Variants in SMURF1 observed in about 807,000 individuals in gnomAD.
The protein encoded by SMURF1 is E3 ubiquitin-protein ligase SMURF1.
Under a neutral mutation model 98.0 loss-of-function variants are expected in SMURF1, and 44 were observed. The ratio of observed to expected loss-of-function variants is 0.45; its 90% CI spans 0.35 to 0.58. The LOEUF (loss-of-function observed/expected upper bound fraction) is 0.58. Ranked by LOEUF, SMURF1 falls within the 20% of genes least tolerant of loss-of-function variation. The pLI is 0.00. For missense variants in SMURF1, 687 were observed against 938.4 expected, an observed-to-expected ratio of 0.73 and a Z score of 3.50; for synonymous variants, 396 against 374.9, an observed-to-expected ratio of 1.06 and a Z score of -0.65.
chr7:99,125,085 ATTCATTCATTCG>A (rs1563040472), intron 1 of SMURF1, among the ~76,000 whole-genome samples: 1 of 136,876 alleles, frequency 7.3e-6, no homozygotes, highest in Non-Finnish European at 1.6e-5. Context: ...TCATTCATTC[ATTCATTCATTCG>A]AGACAGGGTC....
chr7:99,108,669 G>A (rs964101553), intron 1 of SMURF1, among the ~76,000 whole-genome samples: 3 of 149,132 alleles, frequency 2.0e-5, no homozygotes, highest in African/African-American at 7.4e-5. Context: ...AAGGACACAG[G>A]AGCATTGCCC....
intron 13 of SMURF1, among the ~76,000 whole-genome samples, chr7:99,038,934 C>T (rs2150505108): frequency 6.6e-6 from 1 of 152,242 alleles, no homozygotes; most frequent in Admixed American, 6.5e-5. Context: ...CGGCTTACAC[C>T]TGTAATCCCA....
intron 1 of SMURF1, among the ~76,000 whole-genome samples, chr7:99,095,709 A>G (rs1323571214): frequency 6.6e-6 from 1 of 152,246 alleles, no homozygotes; most frequent in Non-Finnish European, 1.5e-5. Flanking sequence ...ACCTAAAAGA[A>G]TATGTTTTCT....
At chr7:99,092,807 C>G (rs1433395385) in intron 1 of SMURF1, among the ~76,000 whole-genome samples, 1 of 152,152 alleles carries the variant, frequency 6.6e-6, no homozygotes, top group Non-Finnish European at 1.5e-5. Flanking sequence ...CAGAAGCACA[C>G]ATAAAACAAG....
rs555134801 is a variant in SMURF1, at chr7:99,034,688, G to A, written c.2011+827C>T. On this transcript the variant is annotated intron_variant, in intron 16 of 17. Coordinates refer to ENST00000361368, the MANE Select transcript of SMURF1 (RefSeq NM_181349.3). Reference sequence around the variant, plus strand: ...CAGCTGTCATGGTCAGGCAGACAGAGGCTCCCAGATACGAGCGGGGCTCAG... The same window carrying A: ...CAGCTGTCATGGTCAGGCAGACAGAAGCTCCCAGATACGAGCGGGGCTCAG... Among the ~76,000 whole-genome samples, 11 of 152,258 alleles carry A rather than the reference G, an allele frequency of 7.2e-5. No individual in the cohort carries two copies. In the South Asian group the frequency reaches 2.1e-3, roughly 29 times the overall value.
At chr7:99,123,869 C>G (rs775911586) in intron 1 of SMURF1, among the ~76,000 whole-genome samples, 1 of 152,210 alleles carries the variant, frequency 6.6e-6, no homozygotes, top group African/African-American at 2.4e-5. Context: ...TTGCAAAATA[C>G]TCTCAGTGCA....
chr7:99,045,574 G>A lies in SMURF1; in HGVS notation c.1256+124C>T, dbSNP rs76250253. ...GAAGCCAGTGCATGATGGCCCGACT[G>A]CTCCAAGGAGACATCAGCCCTGCCC... On this transcript the variant is annotated intron_variant, in intron 11 of 17. Coordinates refer to ENST00000361368, the MANE Select transcript of SMURF1 (RefSeq NM_181349.3). 9.1e-5 allele frequency: 68 copies of A among 745,926 alleles called. 1 individual carries two copies. In the East Asian group the frequency reaches 1.8e-3, roughly 20 times the overall value. The allele number at this position is 745,926 out of a possible 1,614,324, so 46.2% of individuals were successfully genotyped here.
chr7:99,142,923 A>G (rs1798163095), intron 1 of SMURF1, among the ~76,000 whole-genome samples: 1 of 129,644 alleles, frequency 7.7e-6, no homozygotes, highest in Admixed American at 7.8e-5. Flanking sequence ...GGAAGCGAGG[A>G]GAAGGAGGGA....
At chr7:99,058,006 G>A (rs1479422312) in intron 3 of SMURF1, among the ~76,000 whole-genome samples, 2 of 152,104 alleles carry the variant, frequency 1.3e-5, no homozygotes, top group Admixed American at 1.3e-4. Context: ...TAATAAATAC[G>A]TATCCATTAA....
rs1403587322 is a variant in SMURF1, at chr7:99,045,783, T to G, written c.1171A>C (p.Met391Leu). Residue 391 changes from methionine (M) to leucine (L), a missense_variant, in exon 11 of 18, where the codon ATG (methionine) becomes CTG (leucine). By Grantham distance (15) the Met-to-Leu change is conservative. This residue lies in a region of SMURF1 where 415 missense variants were observed against 508.4 expected (regional missense o/e 0.82). Coordinates refer to ENST00000361368, the MANE Select transcript of SMURF1 (RefSeq NM_181349.3). ...TTCAAGTCTTTCGGTCGCATCTTCA[T>G]TATCTGGCGGTAAGACTCCTGAAGA... The part of the protein sequence containing the change: ...EIFEESYRQI[M>L]KMRPKDLKKR... 1 of 1,613,884 alleles carries G rather than the reference T, an allele frequency of 6.2e-7. No homozygotes were observed. Among genetic ancestry groups the G allele is most frequent in the Non-Finnish European group, 8.5e-7 (1 of 1,179,836 alleles).
At chr7:99,104,975 A>G (rs1487818649) in intron 1 of SMURF1, among the ~76,000 whole-genome samples, 1 of 152,108 alleles carries the variant, frequency 6.6e-6, no homozygotes, top group Non-Finnish European at 1.5e-5. Flanking sequence ...CTTCCAATTA[A>G]TTTTCTTAAG....
chr7:99,138,906 C>A (rs1798053555), intron 1 of SMURF1, among the ~76,000 whole-genome samples: 1 of 152,198 alleles, frequency 6.6e-6, no homozygotes, highest in Non-Finnish European at 1.5e-5. Context: ...TCCAATAATT[C>A]ATCTCAAAGA....
At chr7:99,090,790 C>T (rs767758528) in intron 1 of SMURF1, among the ~76,000 whole-genome samples, 6 of 152,128 alleles carry the variant, frequency 3.9e-5, no homozygotes, top group African/African-American at 9.7e-5. Context: ...TCCTAGGAGA[C>T]GGTAACTTTC....
chr7:99,057,868 A>T (rs1475786334), intron 3 of SMURF1, among the ~76,000 whole-genome samples: 1 of 152,060 alleles, frequency 6.6e-6, no homozygotes, highest in East Asian at 1.9e-4. Context: ...AAGTGCTGGG[A>T]TTACAGGCAT....
At chr7:99,119,810 A>C (rs1291327093) in intron 1 of SMURF1, among the ~76,000 whole-genome samples, 1 of 152,212 alleles carries the variant, frequency 6.6e-6, no homozygotes, top group Non-Finnish European at 1.5e-5. Flanking sequence ...AGAAAGAGAG[A>C]TTGTATAAAA....
At chr7:99,057,613 T>G (rs140749922) in intron 3 of SMURF1, 62 bp from the exon 4 acceptor site, 134,261 of 1,452,220 alleles carry the variant, frequency 0.092, 6,975 homozygotes, top group Middle Eastern at 0.1. Flanking sequence ...TTGTTTTTTT[T>G]TTTTTTTGAG....
At chr7:99,040,234 C>CT (rs35083915) in intron 13 of SMURF1, 144 bp downstream of exon 13, 4 of 944,632 alleles carry the variant, frequency 4.2e-6, no homozygotes, top group Non-Finnish European at 4.3e-6. Context: ...AAAAAATCCC[C>CT]TTTTTTTGTT....
At chr7:99,114,416 A>T (rs999216508) in intron 1 of SMURF1, among the ~76,000 whole-genome samples, 1 of 152,190 alleles carries the variant, frequency 6.6e-6, no homozygotes, top group Non-Finnish European at 1.5e-5. Flanking sequence ...AGGGACAAAG[A>T]AAAACCTTAT....
At chr7:99,118,554 A>G (rs1310862574) in intron 1 of SMURF1, among the ~76,000 whole-genome samples, 4 of 152,244 alleles carry the variant, frequency 2.6e-5, no homozygotes, top group African/African-American at 7.2e-5. Context: ...GGCCACATAC[A>G]TATGATTTCA....
Sources: gnomAD v4.1 joint callset for allele counts (sites outside exome capture counted in the v4.1 genomes callset) on GRCh38, gnomAD v4.1.1 for gene constraint, gnomAD v4.1.1 regional missense constraint, MANE v1.5 for transcripts, NCBI Gene and HGNC (gene_info 2026-07-23, HGNC 2026-07-21) for gene names.